Variants in TIPIN observed in about 807,000 individuals in gnomAD.
The protein encoded by TIPIN is TIMELESS-interacting protein.
In TIPIN, 29 loss-of-function variants were observed where a neutral mutation model predicts 35.6. That is an observed-to-expected ratio of 0.82 (90% CI 0.61 to 1.11). The LOEUF is 1.11. Ranked by LOEUF, TIPIN falls within the 50% of genes most tolerant of loss-of-function variation. The pLI, the probability that TIPIN is intolerant of heterozygous loss-of-function variation, is 0.00. For synonymous variants in TIPIN, 102 were observed against 121.5 expected, an observed-to-expected ratio of 0.84 and a Z score of 1.06; for missense variants, 296 against 345.4, an observed-to-expected ratio of 0.86 and a Z score of 1.13.
At chr15:66,357,385 A>G (rs2093210604), upstream of TIPIN, among the ~76,000 whole-genome samples, 1 of 152,160 alleles carries the variant, frequency 6.6e-6, no homozygotes, top group Non-Finnish European at 1.5e-5. Flanking sequence ...ATTGAATAAT[A>G]AGCTGAGAAA....
At chr15:66,342,036 T>A (rs1458524776) in intron 6 of TIPIN, among the ~76,000 whole-genome samples, 1 of 151,838 alleles carries the variant, frequency 6.6e-6, no homozygotes, top group Non-Finnish European at 1.5e-5. Context: ...ATACAAAAAT[T>A]AGCTGGGCAT....
upstream of TIPIN, chr15:66,356,730 G>T (rs1595804545): frequency 1.0e-6 from 1 of 985,356 alleles, no homozygotes. Context: ...GGCGAGAAGG[G>T]CCCGCAGCGT....
upstream of TIPIN, among the ~76,000 whole-genome samples, chr15:66,356,871 A>T (rs2093207802): frequency 2.6e-5 from 4 of 152,002 alleles, no homozygotes; most frequent in South Asian, 8.3e-4. Flanking sequence ...GAACTCAGTT[A>T]AGCCTCCTTA....
At chr15:66,362,437 T>C (rs1421086221) in intron 1 of TIPIN, among the ~76,000 whole-genome samples, 1 of 151,740 alleles carries the variant, frequency 6.6e-6, no homozygotes, top group Admixed American at 6.6e-5. Flanking sequence ...AGAAGAGAAA[T>C]GGAGGCTGGG....
At chr15:66,370,733 G>A in intron 1 of TIPIN, among the ~76,000 whole-genome samples, 2 of 152,260 alleles carry the variant, frequency 1.3e-5, no homozygotes, top group South Asian at 4.1e-4. Flanking sequence ...TAACTTCCGT[G>A]TGCAATGAGC....
At chr15:66,348,700 A>T (rs2140456876) in intron 6 of TIPIN, among the ~76,000 whole-genome samples, 1 of 151,980 alleles carries the variant, frequency 6.6e-6, no homozygotes, top group Admixed American at 6.6e-5. Flanking sequence ...GCTCAAAAAA[A>T]AAAAAGTTGG....
chr15:66,382,054 C>G (rs935277045), intron 1 of TIPIN, among the ~76,000 whole-genome samples: 20 of 101,112 alleles, frequency 2.0e-4, no homozygotes, highest in Non-Finnish European at 4.3e-4. Context: ...ATGAGTGAAA[C>G]TCTGTCTCAA....
intron 3 of TIPIN, among the ~76,000 whole-genome samples, chr15:66,351,918 C>G (rs528719115): frequency 6.9e-6 from 1 of 144,410 alleles, no homozygotes; most frequent in Non-Finnish European, 1.6e-5. Flanking sequence ...GGATTATAGG[C>G]GTGAGCTACC....
intron 4 of TIPIN, among the ~76,000 whole-genome samples, 174 bp downstream of exon 4, chr15:66,351,351 T>G (rs960405458): frequency 6.6e-6 from 1 of 152,222 alleles, no homozygotes; most frequent in Non-Finnish European, 1.5e-5. Flanking sequence ...GCACAAGACA[T>G]GCTTTCTAAT....
chr15:66,361,232 T>C (rs372471684), upstream of TIPIN, among the ~76,000 whole-genome samples: 9 of 151,962 alleles, frequency 5.9e-5, no homozygotes, highest in Admixed American at 2.0e-4. Flanking sequence ...TATTCTCTTT[T>C]CATTTTTCAT....
chr15:66,347,592 T>G (rs2093135623), intron 6 of TIPIN, among the ~76,000 whole-genome samples: 1 of 151,888 alleles, frequency 6.6e-6, no homozygotes, highest in Admixed American at 6.6e-5. Context: ...CAAGGCTTTG[T>G]TTTTTTTGAG....
intron 1 of TIPIN, among the ~76,000 whole-genome samples, chr15:66,353,388 C>T (rs1368242754): frequency 3.3e-5 from 5 of 152,064 alleles, no homozygotes; most frequent in East Asian, 3.9e-4. Flanking sequence ...GAGGCCGAGG[C>T]GGGCGGATCA....
intron 1 of TIPIN, among the ~76,000 whole-genome samples, chr15:66,355,652 G>T (rs1051698585): frequency 6.6e-6 from 1 of 152,082 alleles, no homozygotes; most frequent in African/African-American, 2.4e-5. Context: ...TCGGGAGGCT[G>T]AGGCAGGAGA....
At chr15:66,378,498 A>G (rs2093306012) in intron 1 of TIPIN, among the ~76,000 whole-genome samples, 1 of 152,182 alleles carries the variant, frequency 6.6e-6, no homozygotes, top group East Asian at 1.9e-4. Flanking sequence ...GTAAATGTTT[A>G]TTTTCTCAGC....
chr15:66,383,508 C>T, intron 1 of TIPIN: 1 of 800,316 alleles, frequency 1.2e-6, no homozygotes, highest in Non-Finnish European at 1.5e-6. Flanking sequence ...AGGTGATCCT[C>T]CCACCTCAGC....
At chr15:66,337,816 C>G (rs967756188) in intron 7 of TIPIN, among the ~76,000 whole-genome samples, 1 of 151,438 alleles carries the variant, frequency 6.6e-6, no homozygotes. Context: ...TGGTGGCGAA[C>G]CATGATCGTG....
rs150697327 is a variant in TIPIN, at chr15:66,381,157, C to T, written c.-9+5450G>A. On this transcript the variant is annotated intron_variant, in intron 1 of 7. Coordinates refer to the TIPIN transcript ENST00000562124. ...CCTCTATAAATTATTCTCCTTCGGC[C>T]GGGCACGGTGGCTCACACCTGTAAT... Among the ~76,000 whole-genome samples, 353 of 152,142 alleles carry T rather than the reference C, an allele frequency of 2.3e-3. 3 individuals carry two copies. Among genetic ancestry groups the T allele is most frequent in the African/African-American group, 8.0e-3 (331 of 41,506 alleles).
chr15:66,337,766 C>CA (rs199560907), intron 7 of TIPIN, among the ~76,000 whole-genome samples: 107 of 67,726 alleles, frequency 1.6e-3, no homozygotes, highest in Non-Finnish European at 2.0e-3. Flanking sequence ...AACAAAACAT[C>CA]AAAAAAAATA....
At chr15:66,369,542 G>A (rs950157970) in intron 1 of TIPIN, among the ~76,000 whole-genome samples, 1 of 151,828 alleles carries the variant, frequency 6.6e-6, no homozygotes, top group African/African-American at 2.4e-5. Flanking sequence ...TAGAGACGGG[G>A]TTTCACCATG....
Sources: allele counts gnomAD v4.1 joint callset (sites outside exome capture counted in the v4.1 genomes callset), GRCh38; gene constraint gnomAD v4.1.1; transcripts MANE v1.5; gene names NCBI Gene and HGNC (gene_info 2026-07-23, HGNC 2026-07-21).